Variants in CAMK2D observed in about 807,000 individuals in gnomAD.
CAMK2D encodes the protein calcium/calmodulin-dependent protein kinase type II subunit delta.
Under a neutral mutation model 84.0 loss-of-function variants are expected in CAMK2D, and 37 were observed. That is an observed-to-expected ratio of 0.44 (90% CI 0.34 to 0.58). The LOEUF (loss-of-function observed/expected upper bound fraction) is 0.58, where lower values mean the gene tolerates loss of function less well. CAMK2D is among the 20% of genes least tolerant of loss of function. The pLI is 0.02. For synonymous variants in CAMK2D, 202 were observed against 212.5 expected, an observed-to-expected ratio of 0.95 and a Z score of 0.43; for missense variants, 448 against 652.5, an observed-to-expected ratio of 0.69 and a Z score of 3.41.
At chr4:113,531,610 T>C (rs1302843852) in intron 7 of CAMK2D, among the ~76,000 whole-genome samples, 2 of 152,086 alleles carry the variant, frequency 1.3e-5, no homozygotes, top group African/African-American at 4.8e-5. Flanking sequence ...TTGTCCTTTA[T>C]GTATATGGGA....
At chr4:113,576,692 G>T (rs569671831) in intron 4 of CAMK2D, among the ~76,000 whole-genome samples, 8 of 152,108 alleles carry the variant, frequency 5.3e-5, no homozygotes, top group African/African-American at 1.9e-4. Context: ...AACTGCAGAT[G>T]TATTTCTCAG....
chr4:113,506,139 A>C (rs114958232), intron 13 of CAMK2D, among the ~76,000 whole-genome samples: 5 of 152,188 alleles, frequency 3.3e-5, no homozygotes, highest in Non-Finnish European at 7.3e-5. Flanking sequence ...AATGAGTATC[A>C]AATGAGCATT....
At chr4:113,483,250 A>G (rs1046984118) in intron 16 of CAMK2D, among the ~76,000 whole-genome samples, 1 of 152,236 alleles carries the variant, frequency 6.6e-6, no homozygotes, top group African/African-American at 2.4e-5. Context: ...TACTATATTC[A>G]GCACACAGAA....
chr4:113,684,477 T>C (rs1324348223), intron 2 of CAMK2D, among the ~76,000 whole-genome samples: 4 of 152,194 alleles, frequency 2.6e-5, no homozygotes, highest in African/African-American at 9.7e-5. Context: ...ATTTCAAATT[T>C]AGTAAGTTGG....
chr4:113,574,768 T>C (rs1221565731), intron 4 of CAMK2D, among the ~76,000 whole-genome samples: 2 of 152,154 alleles, frequency 1.3e-5, no homozygotes, highest in Non-Finnish European at 2.9e-5. Flanking sequence ...AGTGGAAAAA[T>C]GCTAGGCATA....
chr4:113,678,748 G>A (rs1173719781), intron 2 of CAMK2D, among the ~76,000 whole-genome samples: 1 of 152,102 alleles, frequency 6.6e-6, no homozygotes, highest in East Asian at 1.9e-4. Flanking sequence ...ATTCTTAAAG[G>A]TCTAAGTGAA....
chr4:113,491,585 G>A (rs1212335438), intron 16 of CAMK2D, among the ~76,000 whole-genome samples: 1 of 152,104 alleles, frequency 6.6e-6, no homozygotes, highest in Non-Finnish European at 1.5e-5. Flanking sequence ...GTTCATCAAG[G>A]ATATTGGTCT....
chr4:113,493,626 G>C (rs371936542), intron 16 of CAMK2D, among the ~76,000 whole-genome samples: 1 of 151,670 alleles, frequency 6.6e-6, no homozygotes, highest in Non-Finnish European at 1.5e-5. Context: ...GTGTCTTGGA[G>C]TTGCTCTTCT....
At chr4:113,624,239 GA>G (rs1245851769) in intron 3 of CAMK2D, among the ~76,000 whole-genome samples, 1 of 152,132 alleles carries the variant, frequency 6.6e-6, no homozygotes, top group Non-Finnish European at 1.5e-5. Context: ...AACAGGTAAA[GA>G]AAATAAAAAG....
At chr4:113,533,347 T>C (rs765135112) in intron 7 of CAMK2D, among the ~76,000 whole-genome samples, 7 of 151,894 alleles carry the variant, frequency 4.6e-5, no homozygotes, top group Non-Finnish European at 8.8e-5. Flanking sequence ...AATACAGACA[T>C]ATGGGGGGTA....
chr4:113,511,530 T>C lies in CAMK2D; in HGVS notation c.946+1798A>G, dbSNP rs909458007. 1.1e-4 allele frequency among the ~76,000 whole-genome samples: 17 copies of C among 152,206 alleles called. 1 individual carries two copies. The highest frequency in any genetic ancestry group is 2.4e-4 in the Non-Finnish European group (16 of 68,012). ...TTTAAATGTGAAGATTTTTTAAAGT[T>C]TGGGTTAGTTTGCCATTAACAATTT... On this transcript the variant is annotated intron_variant, in intron 12 of 20. Transcript: ENST00000511664.
At chr4:113,539,222 T>A (rs936792484) in intron 6 of CAMK2D, among the ~76,000 whole-genome samples, 2 of 152,206 alleles carry the variant, frequency 1.3e-5, no homozygotes, top group East Asian at 3.8e-4. Context: ...ATGGAATAAT[T>A]AACTTGGAAA....
Position 113,739,838 on chromosome 4 carries a change from T to C in CAMK2D, c.160+19482A>G, listed in dbSNP as rs1413779601. Among the ~76,000 whole-genome samples, 17 of 152,100 alleles carry C rather than the reference T, an allele frequency of 1.1e-4. 1 individual carries two copies. Among genetic ancestry groups the C allele is most frequent in the Admixed American group, 1.0e-3 (16 of 15,260 alleles). On this transcript the variant is annotated intron_variant, in intron 2 of 20. Transcript: ENST00000511664. ...GATTCAGGGGGTACATGTTCAAGTT[T>C]GTTACAAAGATATACTGTGTGATGC...
At chr4:113,587,911 T>C (rs1414644335) in intron 4 of CAMK2D, among the ~76,000 whole-genome samples, 2 of 152,128 alleles carry the variant, frequency 1.3e-5, no homozygotes, top group East Asian at 3.9e-4. Flanking sequence ...CCAAATATGA[T>C]GATGATGTCA....
chr4:113,754,726 A>G (rs954644786), intron 2 of CAMK2D: 1 of 979,914 alleles, frequency 1.0e-6, no homozygotes, highest in African/African-American at 1.8e-5. Flanking sequence ...TCTGAAGAGC[A>G]GTAATGCTTT....
chr4:113,538,524 T>G (rs1053987549), intron 6 of CAMK2D, among the ~76,000 whole-genome samples: 2 of 152,072 alleles, frequency 1.3e-5, no homozygotes, highest in Non-Finnish European at 2.9e-5. Context: ...CTGAAAAAAG[T>G]TGGGAAACAA....
At position 113,601,683 on chromosome 4, in the gene CAMK2D, C is replaced by CTTTTTTTTTTTTTTTTTTTTTTTTTTTTT. The variant is rs755850795; in HGVS notation, c.275+7468_275+7469insAAAAAAAAAAAAAAAAAAAAAAAAAAAAA. ...ATTTTATGTAGATTAACTGTTTATT[C>CTTTTTTTTTTTTTTTTTTTTTTTTTTTTT]TTTTTTTTTTTTTTTTTTTTTTTTT... On this transcript the variant is annotated intron_variant, in intron 4 of 20. Coordinates refer to ENST00000511664, the MANE Select transcript of CAMK2D (RefSeq NM_001321571.2). 3.5e-4 allele frequency among the ~76,000 whole-genome samples: 16 copies of CTTTTTTTTTTTTTTTTTTTTTTTTTTTTT among 45,832 alleles called. 1 individual carries two copies. The highest frequency in any genetic ancestry group is 1.0e-3 in the Admixed American group (4 of 4,000). The allele number at this position is 45,832 out of a possible 152,430, so 30.1% of individuals were successfully genotyped here.
At position 113,614,505 on chromosome 4, in the gene CAMK2D, C is replaced by T. The variant is rs1159508474; in HGVS notation, c.221-5299G>A. On this transcript the variant is annotated intron_variant, in intron 3 of 20. Coordinates refer to ENST00000511664, the MANE Select transcript of CAMK2D (RefSeq NM_001321571.2). ...GAGCTGTAATCTTGGAAACCACTTG[C>T]TGTGCTAAAAGAAAAGATCAGGTTC... is the stretch of plus-strand genomic sequence containing the variant. Among the ~76,000 whole-genome samples the T allele has an allele frequency of 1.2e-4, 18 of 152,116 alleles. 1 individual carries two copies. The highest frequency in any genetic ancestry group is 1.2e-3 in the Admixed American group (18 of 15,258).
intron 4 of CAMK2D, among the ~76,000 whole-genome samples, chr4:113,604,948 A>G (rs1276529111): frequency 6.6e-6 from 1 of 152,386 alleles, no homozygotes; most frequent in Admixed American, 6.5e-5. Flanking sequence ...TGCTTCTTGC[A>G]GCAGAAGGAG....
Sources: allele counts gnomAD v4.1 joint callset (sites outside exome capture counted in the v4.1 genomes callset), GRCh38; gene constraint gnomAD v4.1.1; transcripts MANE v1.5; gene names NCBI Gene and HGNC (gene_info 2026-07-23, HGNC 2026-07-21).